JMJD1C: variants seen among roughly 807,000 people sequenced by gnomAD.
JMJD1C encodes jumonji domain-containing protein 1C.
JMJD1C carries 31 observed loss-of-function variants against 245.3 expected under a neutral mutation model. That is an observed-to-expected ratio of 0.13 (90% CI 0.09 to 0.17). The LOEUF (loss-of-function observed/expected upper bound fraction) is 0.17. Among genes scored for constraint, JMJD1C ranks in the 10% least tolerant of loss-of-function variants. JMJD1C has a pLI of 1.00. For synonymous variants in JMJD1C, 1,057 were observed against 1,017.4 expected (o/e 1.04, Z -0.74); for missense variants, 2,691 against 3,000.2 (o/e 0.90, Z 2.41).
At chr10:63,244,096 A>G (rs892250324) in intron 3 of JMJD1C, among the ~76,000 whole-genome samples, 2 of 152,208 alleles carry the variant, frequency 1.3e-5, no homozygotes, top group Non-Finnish European at 2.9e-5. Flanking sequence ...GGACAGCCAG[A>G]AACAAAGGAA....
intron 1 of JMJD1C, among the ~76,000 whole-genome samples, chr10:63,453,638 CGTCT>C (rs900572846): frequency 1.3e-5 from 2 of 152,096 alleles, no homozygotes; most frequent in African/African-American, 4.8e-5. Context: ...TGATCCTTTG[CGTCT>C]GTCAAGCAAA....
chr10:63,416,074 G>A (rs1270645556), intron 1 of JMJD1C, among the ~76,000 whole-genome samples: 1 of 152,142 alleles, frequency 6.6e-6, no homozygotes, highest in Non-Finnish European at 1.5e-5. Flanking sequence ...AGAAGTTCCA[G>A]ATAGGATAAC....
chr10:63,191,181 G>A, intron 16 of JMJD1C, 73 bp from the exon 17 acceptor site: 1 of 1,220,112 alleles, frequency 8.2e-7, no homozygotes, highest in South Asian at 1.2e-5. Flanking sequence ...GCCCAGGCTG[G>A]AGTGCAGTGG....
intron 2 of JMJD1C, among the ~76,000 whole-genome samples, chr10:63,295,410 TTC>T (rs1482854953): frequency 6.6e-6 from 1 of 152,138 alleles, no homozygotes; most frequent in African/African-American, 2.4e-5. Context: ...GCATTTAGAA[TTC>T]TGAGGGCAAC....
chr10:63,281,786 G>A (rs1485749287), intron 2 of JMJD1C, among the ~76,000 whole-genome samples: 1 of 151,824 alleles, frequency 6.6e-6, no homozygotes, highest in Non-Finnish European at 1.5e-5. Context: ...TACCTCTTGA[G>A]GATAAAAATT....
chr10:63,252,190 C>T (rs777140594), intron 3 of JMJD1C, among the ~76,000 whole-genome samples: 6 of 152,158 alleles, frequency 3.9e-5, no homozygotes, highest in African/African-American at 1.4e-4. Context: ...TCCTACTATG[C>T]TACAAATGCA....
chr10:63,287,618 A>G (rs1466356580), intron 2 of JMJD1C, among the ~76,000 whole-genome samples: 3 of 152,266 alleles, frequency 2.0e-5, no homozygotes, highest in African/African-American at 7.2e-5. Flanking sequence ...AAAATTTCAT[A>G]TATCTTATTC....
Position 63,236,395 on chromosome 10 carries a change from T to C in JMJD1C, c.448-16412A>G, listed in dbSNP as rs1850732575. ...ATTAAGAAAACATTATAAAACCACTTGAAGAAAAATGTGTTTTCTTCTAAA... is the reference window on the plus strand; with the variant it reads ...ATTAAGAAAACATTATAAAACCACTCGAAGAAAAATGTGTTTTCTTCTAAA... On this transcript the variant is annotated intron_variant, in intron 3 of 25. Coordinates refer to ENST00000399262, the MANE Select transcript of JMJD1C (RefSeq NM_032776.3). Among the ~76,000 whole-genome samples the C allele has an allele frequency of 2.0e-5, 3 of 152,204 alleles. No homozygotes were observed. The South Asian group carries it at 6.2e-4, about 32-fold the overall frequency.
At chr10:63,231,550 T>C (rs1466871773) in intron 3 of JMJD1C, among the ~76,000 whole-genome samples, 2 of 152,124 alleles carry the variant, frequency 1.3e-5, no homozygotes, top group Admixed American at 6.5e-5. Context: ...TTCCAGCACT[T>C]TGGGAGGCCA....
chr10:63,402,262 A>C (rs1438811949), intron 1 of JMJD1C, among the ~76,000 whole-genome samples: 1 of 152,216 alleles, frequency 6.6e-6, no homozygotes, highest in Non-Finnish European at 1.5e-5. Flanking sequence ...AGAGAAATAA[A>C]AAATTAAAAC....
intron 1 of JMJD1C, among the ~76,000 whole-genome samples, chr10:63,420,901 T>A (rs1564901882): frequency 6.6e-6 from 1 of 151,534 alleles, no homozygotes; most frequent in Non-Finnish European, 1.5e-5. Flanking sequence ...ACAAACATTG[T>A]ATAATGGAGA....
At chr10:63,502,414 G>A (rs1325729007) in intron 1 of JMJD1C, among the ~76,000 whole-genome samples, 2 of 152,062 alleles carry the variant, frequency 1.3e-5, no homozygotes, top group Non-Finnish European at 2.9e-5. Context: ...CGAGGCAGGT[G>A]GATCAAGAGG....
chr10:63,205,831 GTTTAT>G (rs1472707126), intron 10 of JMJD1C, among the ~76,000 whole-genome samples: 1 of 151,658 alleles, frequency 6.6e-6, no homozygotes, highest in Non-Finnish European at 1.5e-5. Context: ...ATCATTTTTT[GTTTAT>G]TTTTTGAGAC....
At chr10:63,487,259 T>G (rs2893922) in intron 1 of JMJD1C, among the ~76,000 whole-genome samples, 22,428 of 152,148 alleles carry the variant, frequency 0.15, 2,180 homozygotes, top group Admixed American at 0.3. Context: ...TATGGATTTA[T>G]AGTGACAATG....
chr10:63,177,632 T>C (rs1014262030), intron 23 of JMJD1C, 85 bp downstream of exon 23: 4 of 1,404,368 alleles, frequency 2.8e-6, no homozygotes, highest in Admixed American at 3.8e-5. Flanking sequence ...TGGTCTTATA[T>C]TGTTGAATGC....
chr10:63,466,226 C>G (rs1953272593), upstream of JMJD1C: 4 of 169,696 alleles, frequency 2.4e-5, no homozygotes, highest in South Asian at 5.3e-4. Context: ...TTTTGGGGGT[C>G]TACCTTTGTA....
At chr10:63,282,260 C>T (rs1206701664) in intron 2 of JMJD1C, among the ~76,000 whole-genome samples, 7 of 152,160 alleles carry the variant, frequency 4.6e-5, no homozygotes, top group Admixed American at 3.3e-4. Context: ...AAATGAGATA[C>T]ACAATTTCCA....
intron 2 of JMJD1C, among the ~76,000 whole-genome samples, chr10:63,363,034 G>A (rs924078324): frequency 1.3e-5 from 2 of 151,976 alleles, no homozygotes; most frequent in African/African-American, 4.8e-5. Context: ...GTAACTGGTT[G>A]ACATGAAATA....
At chr10:63,428,335 T>C (rs921302260) in intron 1 of JMJD1C, among the ~76,000 whole-genome samples, 1 of 152,206 alleles carries the variant, frequency 6.6e-6, no homozygotes, top group East Asian at 1.9e-4. Flanking sequence ...TTTCTCTAAC[T>C]TGCATTAATA....
Sources: gnomAD v4.1 joint callset for allele counts (sites outside exome capture counted in the v4.1 genomes callset) on GRCh38, gnomAD v4.1.1 for gene constraint, MANE v1.5 for transcripts, NCBI Gene and HGNC (gene_info 2026-07-23, HGNC 2026-07-21) for gene names.